TTBK1: variants seen among roughly 807,000 people sequenced by gnomAD.
TTBK1 encodes tau tubulin kinase 1, also known as tau-tubulin kinase 1.
In TTBK1, 34 loss-of-function variants were observed where a neutral mutation model predicts 108.5. The observed-to-expected ratio is 0.31, with a 90% CI of 0.24 to 0.42. The LOEUF is 0.42. Ranked by LOEUF, TTBK1 falls within the 10% of genes least tolerant of loss-of-function variation. The probability of loss-of-function intolerance (pLI) is 1.00; values close to 1 mark genes in which losing one functional copy is unlikely to be tolerated. For missense variants in TTBK1, 1,539 were observed against 1,826.0 expected, an observed-to-expected ratio of 0.84 and a Z score of 2.86; for synonymous variants, 809 against 795.1, an observed-to-expected ratio of 1.02 and a Z score of -0.29.
intron 13 of TTBK1, among the ~76,000 whole-genome samples, chr6:43,275,805 C>G (rs1340528562): frequency 6.6e-6 from 1 of 151,924 alleles, no homozygotes; most frequent in East Asian, 1.9e-4. Flanking sequence ...CACACCCCCA[C>G]CCCCGAAAAT....
intron 12 of TTBK1, 80 bp from the exon 13 acceptor site, chr6:43,262,709 G>A (rs1467998832): frequency 1.0e-5 from 14 of 1,389,554 alleles, no homozygotes; most frequent in Middle Eastern, 2.6e-4. Flanking sequence ...TGGGAGTCAC[G>A]CCCCACCCTG....
chr6:43,277,334 T>G (rs1393338056), intron 13 of TTBK1, among the ~76,000 whole-genome samples: 1 of 150,888 alleles, frequency 6.6e-6, no homozygotes, highest in Non-Finnish European at 1.5e-5. Context: ...GTGGGAGGGG[T>G]GGGCCACTAA....
At chr6:43,262,660 C>T in intron 12 of TTBK1, 129 bp from the exon 13 acceptor site, 1 of 851,870 alleles carries the variant, frequency 1.2e-6, no homozygotes. Context: ...GGTAACTGGC[C>T]TGGCTCAGGG....
chr6:43,264,445 G>A (rs1020637884), intron 13 of TTBK1, among the ~76,000 whole-genome samples: 3 of 152,136 alleles, frequency 2.0e-5, no homozygotes, highest in Admixed American at 6.5e-5. Flanking sequence ...GGATGTCCAC[G>A]TGTAGGCACC....
At chr6:43,246,852 C>T in intron 2 of TTBK1, 84 bp downstream of exon 2, 1 of 1,060,384 alleles carries the variant, frequency 9.4e-7, no homozygotes, top group Admixed American at 2.4e-5. Context: ...CGGTGCCCTC[C>T]GCTCCCCTAC....
At chr6:43,250,846 T>A (rs1777218736) in intron 2 of TTBK1, among the ~76,000 whole-genome samples, 1 of 152,184 alleles carries the variant, frequency 6.6e-6, no homozygotes, top group Admixed American at 6.5e-5. Context: ...CTTTGCCCTT[T>A]CCTCTGTTCT....
In TTBK1 at chr6:43,283,113, G is replaced by A. The variant is rs1387781574; in HGVS notation, c.2373G>A (p.Glu791=). 6.3e-7 allele frequency: 1 copy of A among 1,579,020 alleles called. No individual in the cohort carries two copies. The highest frequency in any genetic ancestry group is 1.8e-5 in the Admixed American group (1 of 54,324). The change falls in exon 14 of 15, where the codon GAG becomes GAA. Residue 791 remains glutamate, a synonymous_variant. Transcript: ENST00000259750. This position sits in a 1 kb window ranked among gnomAD's most constrained non-coding sequence, Gnocchi z 8.1. The stretch of plus-strand genomic sequence containing the variant: ...GGCCTCGTAGTGGCTCCAGCAGTGA[G>A]GGGAGTGAGAGGAGCACTGACCGGA... ...VLGPRSGSSS[E]GSERSTDRSQ... is the part of the protein sequence containing the mutation.
intron 13 of TTBK1, chr6:43,270,200 C>A: frequency 7.5e-7 from 1 of 1,326,134 alleles, no homozygotes; most frequent in Non-Finnish European, 9.6e-7. Context: ...AGGGGTGGGG[C>A]TGGTGGTACA....
Position 43,282,838 on chromosome 6 carries a change from C to T in TTBK1, c.2098C>T (p.Arg700Trp), listed in dbSNP as rs370022725. ...RDLSDYRERARLLNRVRRVGF... is the reference protein window; with the variant it reads ...RDLSDYRERAWLLNRVRRVGF... ...CCTCTCCGATTACCGAGAACGGGCG[C>T]GGTTGCTCAACAGGGTCCGGAGGGT... Residue 700 changes from arginine (R) to tryptophan (W), a missense_variant, in exon 14 of 15, where the codon CGG (arginine) becomes TGG (tryptophan). Physicochemically the swap from Arg to Trp is moderately radical, Grantham distance 101. Transcript: ENST00000259750. The surrounding 1 kb of genome is among the most constrained non-coding windows in gnomAD (Gnocchi z 5.4). The T allele has an allele frequency of 2.5e-5, 41 of 1,613,878 alleles. No homozygotes were observed. Among genetic ancestry groups the T allele is most frequent in the South Asian group, 1.8e-4 (16 of 91,062 alleles).
chr6:43,263,722 C>T lies in TTBK1; in HGVS notation c.1986+372C>T, dbSNP rs1185066371. Among the ~76,000 whole-genome samples the T allele has an allele frequency of 6.6e-6, 1 of 152,168 alleles. No individual in the cohort carries two copies. The highest frequency in any genetic ancestry group is 1.5e-5 in the Non-Finnish European group (1 of 68,032). On this transcript the variant is annotated intron_variant, in intron 13 of 14. Transcript: ENST00000259750. This position sits in a 1 kb window ranked among gnomAD's most constrained non-coding sequence, Gnocchi z 4.7. Reference sequence around the variant, plus strand: ...CTGTGAGGTCAGCCCTGGGCCCTGCCACGGAGGGACTTGGGGCTATACTAA... The same window carrying T: ...CTGTGAGGTCAGCCCTGGGCCCTGCTACGGAGGGACTTGGGGCTATACTAA...
Position 43,282,883 on chromosome 6 carries a change from C to T in TTBK1, c.2143C>T (p.Leu715Phe), listed in dbSNP as rs1184745109. The T allele has an allele frequency of 6.2e-7, 1 of 1,613,972 alleles. No individual in the cohort carries two copies. Residue 715 changes from leucine (L) to phenylalanine (F), a missense_variant, in exon 14 of 15, where the codon CTC (leucine) becomes TTC (phenylalanine). Physicochemically the swap from Leu to Phe is conservative, Grantham distance 22. Coordinates refer to ENST00000259750, the MANE Select transcript of TTBK1 (RefSeq NM_032538.3). This position sits in a 1 kb window ranked among gnomAD's most constrained non-coding sequence, Gnocchi z 5.4. ...VRRVGFSHML[L>F]TTPQVPLAPV... is the part of the protein sequence containing the mutation. ...GAGGGTGGGCTTCTCGCACATGCTG[C>T]TCACCACCCCCCAGGTCCCACTGGC... is the stretch of plus-strand genomic sequence containing the variant.
At chr6:43,284,591 C>CAG (rs1291513277) in intron 14 of TTBK1, among the ~76,000 whole-genome samples, 1 of 152,244 alleles carries the variant, frequency 6.6e-6, no homozygotes, top group East Asian at 1.9e-4. Context: ...GGTCCACACA[C>CAG]AGCCTCTGGT....
chr6:43,256,163 T>C (rs1777376016), intron 9 of TTBK1, among the ~76,000 whole-genome samples: 1 of 151,436 alleles, frequency 6.6e-6, no homozygotes, highest in South Asian at 2.1e-4. Context: ...TTAGACATAA[T>C]CTTGCTCTGT....
Position 43,253,394 on chromosome 6 carries a change from C to G in TTBK1, c.330+30C>G, listed in dbSNP as rs772213666. On this transcript the variant is annotated intron_variant, in intron 4 of 14. Transcript: ENST00000259750. This position sits in a 1 kb window ranked among gnomAD's most constrained non-coding sequence, Gnocchi z 5.8. ...GTCCCCGTGGCCCATCCTCGCTCCC[C>G]TCTCTAAGAGCTTGGGCTGTGACTC... 11 of 1,612,482 alleles carry G rather than the reference C, an allele frequency of 6.8e-6. No individual in the cohort carries two copies. The Admixed American group carries it at 1.5e-4, about 22-fold the overall frequency.
chr6:43,258,052 AT>A, intron 10 of TTBK1, 86 bp downstream of exon 10: 1 of 1,455,382 alleles, frequency 6.9e-7, no homozygotes, highest in Non-Finnish European at 9.2e-7. Context: ...CTCTCTTCCT[AT>A]CTGGACACAC....
chr6:43,278,239 C>T (rs1314446774), intron 13 of TTBK1, among the ~76,000 whole-genome samples: 4 of 152,196 alleles, frequency 2.6e-5, no homozygotes, highest in East Asian at 1.9e-4. Context: ...CTGGTCCATC[C>T]TCTCCCTTCA....
chr6:43,267,284 G>T (rs1328998850), intron 13 of TTBK1, among the ~76,000 whole-genome samples: 3 of 152,140 alleles, frequency 2.0e-5, no homozygotes, highest in Non-Finnish European at 2.9e-5. Flanking sequence ...CCTGAAGGAA[G>T]TGGTGAGCCC....
chr6:43,281,619 G>C (rs1778165361), intron 13 of TTBK1, among the ~76,000 whole-genome samples: 1 of 152,136 alleles, frequency 6.6e-6, no homozygotes, highest in African/African-American at 2.4e-5. Flanking sequence ...AGGATGCTTG[G>C]CAGGACTCCT....
chr6:43,284,096 G>C lies in TTBK1; in HGVS notation c.3356G>C (p.Arg1119Pro). ...ASSSSSEEQR[R>P]ASETLSGTGS... Reference sequence around the variant, plus strand: ...TCCTCCTCCAGTGAGGAGCAGCGCCGTGCCTCTGAGACCCTCTCAGGCACG... The same window carrying C: ...TCCTCCTCCAGTGAGGAGCAGCGCCCTGCCTCTGAGACCCTCTCAGGCACG... Residue 1119 changes from arginine to proline, a missense_variant, in exon 14 of 15, where the codon CGT becomes CCT. Physicochemically the swap from Arg to Pro is moderately radical, Grantham distance 103. Transcript: ENST00000259750. The C allele has an allele frequency of 1.3e-6, 2 of 1,539,994 alleles. No individual in the cohort carries two copies. Among genetic ancestry groups the C allele is most frequent in the Admixed American group, 2.0e-5 (1 of 51,042 alleles).
Sources: allele counts gnomAD v4.1 joint callset (sites outside exome capture counted in the v4.1 genomes callset), GRCh38; gene constraint gnomAD v4.1.1; non-coding constraint Gnocchi (gnomAD v3.1); transcripts MANE v1.5; gene names NCBI Gene and HGNC (gene_info 2026-07-23, HGNC 2026-07-21).